KCNH8: variants seen among roughly 807,000 people sequenced by gnomAD.
KCNH8 encodes the protein potassium voltage-gated channel subfamily H member 8.
Under a neutral mutation model 103.6 loss-of-function variants are expected in KCNH8, and 70 were observed. The observed-to-expected ratio is 0.68, with a 90% CI of 0.56 to 0.82. The LOEUF (loss-of-function observed/expected upper bound fraction) is 0.82. Ranked by LOEUF, KCNH8 falls within the 40% of genes least tolerant of loss-of-function variation. The probability of loss-of-function intolerance (pLI) is 0.00; values close to 1 mark genes in which losing one functional copy is unlikely to be tolerated. For synonymous variants in KCNH8, 498 were observed against 489.4 expected, an observed-to-expected ratio of 1.02 and a Z score of -0.23; for missense variants, 1,217 against 1,329.9, an observed-to-expected ratio of 0.92 and a Z score of 1.32.
At chr3:19,466,711 T>C (rs906208968) in intron 11 of KCNH8, among the ~76,000 whole-genome samples, 2 of 130,668 alleles carry the variant, frequency 1.5e-5, no homozygotes, top group African/African-American at 5.8e-5. Flanking sequence ...CCGCCCAGGC[T>C]GGAGTGCAAT....
chr3:19,269,440 A>C lies in KCNH8; in HGVS notation c.311-11758A>C, dbSNP rs76436200. ...AATGCTACTAAGATAATATACTATT[A>C]AAAGGAGAAACATTAAACTCAGAAT... On this transcript the variant is annotated intron_variant, in intron 2 of 15. Coordinates refer to ENST00000328405, the MANE Select transcript of KCNH8 (RefSeq NM_144633.3). 3.4e-3 allele frequency among the ~76,000 whole-genome samples: 514 copies of C among 152,256 alleles called. 25 individuals are homozygous for C. In the East Asian group the frequency reaches 0.086, roughly 26 times the overall value.
chr3:19,287,107 CA>C (rs201704391), intron 3 of KCNH8, among the ~76,000 whole-genome samples: 3,739 of 126,130 alleles, frequency 0.03, 106 homozygotes, highest in East Asian at 0.097. Context: ...GATGGTAATG[CA>C]AAAAAAAAAA....
In KCNH8 at chr3:19,395,235, A is replaced by C; in HGVS notation, c.1101A>C (p.Ala367=). Residue 367 remains alanine (A), a synonymous_variant, in exon 7 of 16, where the codon GCA becomes GCC. Coordinates refer to ENST00000328405, the MANE Select transcript of KCNH8 (RefSeq NM_144633.3). Reference sequence around the variant, plus strand: ...TCATGTCCATGTTTGCACTCCTTGCACACTGGATGGCGTGTATCTGGTACG... The same window carrying C: ...TCATGTCCATGTTTGCACTCCTTGCCCACTGGATGGCGTGTATCTGGTACG... ...TLLMSMFALL[A]HWMACIWYVI... 6.2e-7 allele frequency: 1 copy of C among 1,609,784 alleles called. No homozygotes were observed. The highest frequency in any genetic ancestry group is 1.1e-5 in the South Asian group (1 of 90,382).
intron 5 of KCNH8, among the ~76,000 whole-genome samples, chr3:19,381,916 T>C (rs897937068): frequency 6.6e-6 from 1 of 152,146 alleles, no homozygotes; most frequent in African/African-American, 2.4e-5. Flanking sequence ...ATGAAATTAA[T>C]CAATGAGAAC....
At chr3:19,176,021 A>G (rs1025200353) in intron 1 of KCNH8, among the ~76,000 whole-genome samples, 3 of 152,194 alleles carry the variant, frequency 2.0e-5, no homozygotes, top group African/African-American at 4.8e-5. Context: ...AATGCATACC[A>G]AAATGATAAA....
intron 11 of KCNH8, among the ~76,000 whole-genome samples, chr3:19,461,471 C>G (rs887372645): frequency 1.3e-5 from 2 of 152,086 alleles, no homozygotes; most frequent in Non-Finnish European, 2.9e-5. Context: ...GAAGCAAGCC[C>G]CTTTCCTTGA....
At chr3:19,159,964 A>G (rs1218759482) in intron 1 of KCNH8, among the ~76,000 whole-genome samples, 1 of 152,134 alleles carries the variant, frequency 6.6e-6, no homozygotes, top group East Asian at 1.9e-4. Context: ...TATTAAAAAA[A>G]TCCTACAATA....
chr3:19,368,233 C>A (rs1559495014), intron 5 of KCNH8, among the ~76,000 whole-genome samples: 2 of 151,980 alleles, frequency 1.3e-5, no homozygotes, highest in Non-Finnish European at 2.9e-5. Context: ...GAAGCCCATA[C>A]AATGATTAGG....
At chr3:19,355,148 G>T (rs1432195918) in intron 5 of KCNH8, among the ~76,000 whole-genome samples, 4 of 152,248 alleles carry the variant, frequency 2.6e-5, no homozygotes, top group Admixed American at 2.0e-4. Context: ...ATCATCACTG[G>T]ACATCAGAGA....
At chr3:19,515,921 TTA>T (rs2068866919) in intron 14 of KCNH8, among the ~76,000 whole-genome samples, 1 of 151,992 alleles carries the variant, frequency 6.6e-6, no homozygotes, top group South Asian at 2.1e-4. Flanking sequence ...GTGTTAACCT[TTA>T]GTGATGGTGA....
chr3:19,225,211 T>A (rs13097537), intron 1 of KCNH8, among the ~76,000 whole-genome samples: 1 of 151,934 alleles, frequency 6.6e-6, no homozygotes, highest in Non-Finnish European at 1.5e-5. Flanking sequence ...AACTCTAATA[T>A]GGATTGGATT....
At chr3:19,496,533 G>A (rs953429769) in intron 11 of KCNH8, among the ~76,000 whole-genome samples, 5 of 152,140 alleles carry the variant, frequency 3.3e-5, no homozygotes, top group African/African-American at 7.2e-5. Context: ...TTGCATCCCA[G>A]GGATAAAGCC....
intron 1 of KCNH8, among the ~76,000 whole-genome samples, chr3:19,219,874 A>G (rs1201572506): frequency 6.6e-6 from 1 of 152,144 alleles, no homozygotes; most frequent in Non-Finnish European, 1.5e-5. Context: ...AGGCATCATG[A>G]CTTGCTGTGA....
intron 1 of KCNH8, among the ~76,000 whole-genome samples, chr3:19,199,933 A>G (rs2063640038): frequency 6.6e-6 from 1 of 152,062 alleles, no homozygotes; most frequent in Non-Finnish European, 1.5e-5. Context: ...GAAGAAGTTC[A>G]TAGTAGGATT....
At chr3:19,235,963 T>TA (rs1341781122) in intron 1 of KCNH8, among the ~76,000 whole-genome samples, 2 of 152,206 alleles carry the variant, frequency 1.3e-5, no homozygotes, top group Non-Finnish European at 2.9e-5. Flanking sequence ...GCCTTGTAGT[T>TA]AGAGATAATT....
chr3:19,163,063 G>C (rs1023786311), intron 1 of KCNH8, among the ~76,000 whole-genome samples: 4 of 151,590 alleles, frequency 2.6e-5, no homozygotes, highest in African/African-American at 9.7e-5. Flanking sequence ...TATTAACTAT[G>C]AAGTGCACCT....
intron 5 of KCNH8, among the ~76,000 whole-genome samples, chr3:19,371,262 C>G (rs1428989903): frequency 6.7e-6 from 1 of 149,776 alleles, no homozygotes; most frequent in Admixed American, 6.6e-5. Flanking sequence ...CACATCCTCT[C>G]CAGCACCTGT....
chr3:19,154,204 A>T (rs2063158558), intron 1 of KCNH8, among the ~76,000 whole-genome samples: 1 of 152,170 alleles, frequency 6.6e-6, no homozygotes, highest in African/African-American at 2.4e-5. Context: ...TGATTGTATC[A>T]TATATGATAG....
chr3:19,234,386 G>T (rs980366473), intron 1 of KCNH8, among the ~76,000 whole-genome samples: 2 of 152,218 alleles, frequency 1.3e-5, no homozygotes, highest in African/African-American at 4.8e-5. Context: ...GGAGTTGGGG[G>T]GAGGCTCAGG....
Sources: allele counts gnomAD v4.1 joint callset (sites outside exome capture counted in the v4.1 genomes callset), GRCh38; gene constraint gnomAD v4.1.1; transcripts MANE v1.5; gene names NCBI Gene and HGNC (gene_info 2026-07-23, HGNC 2026-07-21).